The following LMCD1 variants were observed in gnomAD, a reference collection of about 807,000 sequenced individuals.
LMCD1 encodes LIM and cysteine-rich domains protein 1.
In LMCD1, 32 loss-of-function variants were observed where a neutral mutation model predicts 42.7. The observed-to-expected ratio is 0.75, with a 90% CI of 0.57 to 1.01. LMCD1 has a LOEUF of 1.01. Ranked by LOEUF, LMCD1 falls within the 50% of genes least tolerant of loss-of-function variation. The pLI is 0.00. For synonymous variants in LMCD1, 178 were observed against 184.9 expected (o/e 0.96, Z 0.30); for missense variants, 458 against 483.1 (o/e 0.95, Z 0.49).
At chr3:8,551,684 G>A (rs553212936) in intron 4 of LMCD1, among the ~76,000 whole-genome samples, 1 of 152,298 alleles carries the variant, frequency 6.6e-6, no homozygotes, top group South Asian at 2.1e-4. Flanking sequence ...TAGATAGGCT[G>A]ACAGGCCACA....
rs1559353102 is a variant in LMCD1, at chr3:8,543,420, TAGATAGATAGATAGATAGATAGAC to T, written c.388-5144_388-5121del. Among the ~76,000 whole-genome samples the T allele has an allele frequency of 2.8e-3, 385 of 139,006 alleles. 1 individual carries two copies. The highest frequency in any genetic ancestry group is 0.012 in the South Asian group (55 of 4,642). The allele number at this position is 139,006 out of a possible 152,430, so 91.2% of individuals were successfully genotyped here. ...GATGATAGATAGATAGATAGATAGA[TAGATAGATAGATAGATAGATAGAC>T]AGACAGACAGAGAGATAGACAGACA... On this transcript the variant is annotated intron_variant, in intron 3 of 5. Transcript: ENST00000157600.
rs190056506 is a variant in LMCD1 at position 8,533,590 on chromosome 3, G to A, written c.131+765G>A. ...CTTGAGCGCTCAGTGGGGGGACAAA[G>A]TTTGGAAGGTGTTTTCGCAGCAATA... On this transcript the variant is annotated intron_variant, in intron 2 of 5. Coordinates refer to ENST00000157600, the MANE Select transcript of LMCD1 (RefSeq NM_014583.4). Among the ~76,000 whole-genome samples, 104 of 152,348 alleles carry A rather than the reference G, an allele frequency of 6.8e-4. 1 individual carries two copies. The highest frequency in any genetic ancestry group is 2.4e-3 in the African/African-American group (99 of 41,578).
intron 1 of LMCD1, among the ~76,000 whole-genome samples, chr3:8,517,954 A>G (rs1399308969): frequency 1.3e-5 from 2 of 152,150 alleles, no homozygotes; most frequent in Non-Finnish European, 2.9e-5. Flanking sequence ...ATAATGCTTA[A>G]TTATTCTTGG....
chr3:8,519,631 GTA>G (rs2125015432), intron 1 of LMCD1, among the ~76,000 whole-genome samples: 1 of 151,628 alleles, frequency 6.6e-6, no homozygotes, highest in Non-Finnish European at 1.5e-5. Context: ...CAGAATCCAA[GTA>G]TATATAGTGT....
chr3:8,544,038 G>T lies in LMCD1; in HGVS notation c.388-4530G>T, dbSNP rs998737656. ...AGTTGTGTGATGCACAGGGGCTTCT[G>T]CTCGTCCACATGGTTGGTGGACTAT... On this transcript the variant is annotated intron_variant, in intron 3 of 5. Coordinates refer to ENST00000157600, the MANE Select transcript of LMCD1 (RefSeq NM_014583.4). Among the ~76,000 whole-genome samples, 4 of 152,270 alleles carry T rather than the reference G, an allele frequency of 2.6e-5. No homozygotes were observed. In the East Asian group the frequency reaches 7.7e-4, roughly 29 times the overall value.
At chr3:8,563,010 G>A (rs1334607666) in intron 4 of LMCD1, among the ~76,000 whole-genome samples, 4 of 152,240 alleles carry the variant, frequency 2.6e-5, no homozygotes, top group Non-Finnish European at 5.9e-5. Context: ...CTAAGGTGCA[G>A]ACAGATGCAT....
At chr3:8,554,578 G>A (rs536553242) in intron 4 of LMCD1, among the ~76,000 whole-genome samples, 9 of 152,166 alleles carry the variant, frequency 5.9e-5, no homozygotes, top group Non-Finnish European at 1.0e-4. Flanking sequence ...AGAGATCTCC[G>A]TGGCCAGGGA....
chr3:8,541,700 G>A (rs1183396729), intron 3 of LMCD1, among the ~76,000 whole-genome samples: 1 of 152,250 alleles, frequency 6.6e-6, no homozygotes, highest in African/African-American at 2.4e-5. Context: ...TAGATAACAT[G>A]ACGTAGTCGG....
intron 4 of LMCD1, among the ~76,000 whole-genome samples, chr3:8,556,687 C>T (rs1266695763): frequency 1.3e-5 from 2 of 152,200 alleles, no homozygotes; most frequent in Non-Finnish European, 2.9e-5. Flanking sequence ...TCCGTCCCTG[C>T]TCAGCTGTGG....
chr3:8,558,324 T>C (rs62242272), intron 4 of LMCD1, among the ~76,000 whole-genome samples: 22,454 of 152,286 alleles, frequency 0.15, 2,137 homozygotes, highest in East Asian at 0.41. Flanking sequence ...CTCAGCTTTC[T>C]TGAGGCAGGT....
At chr3:8,529,780 G>GA (rs1212111453) in intron 1 of LMCD1, among the ~76,000 whole-genome samples, 4 of 152,226 alleles carry the variant, frequency 2.6e-5, no homozygotes, top group South Asian at 4.2e-4. Flanking sequence ...TTTGAAGCTA[G>GA]AAAAAAATGT....
At chr3:8,545,983 C>T (rs973628903) in intron 3 of LMCD1, among the ~76,000 whole-genome samples, 3 of 152,052 alleles carry the variant, frequency 2.0e-5, no homozygotes, top group Admixed American at 6.5e-5. Flanking sequence ...AAAAATTAGC[C>T]GGGTGTAATG....
intron 4 of LMCD1, among the ~76,000 whole-genome samples, chr3:8,559,232 T>C (rs925918601): frequency 6.6e-6 from 1 of 152,212 alleles, no homozygotes; most frequent in African/African-American, 2.4e-5. Context: ...CTTGGTATCA[T>C]GGAAGGAAAT....
intron 4 of LMCD1, among the ~76,000 whole-genome samples, chr3:8,556,604 C>A (rs555478491): frequency 2.8e-4 from 43 of 152,282 alleles, no homozygotes; most frequent in African/African-American, 9.9e-4. Flanking sequence ...ACAGGTGTTC[C>A]CATCTCTGGA....
Position 8,502,362 on chromosome 3 carries a change from T to TTATATATAATATATATAATATATATTA in LMCD1, c.42+388_42+389insTAATATATATAATATATATTATATATA, listed in dbSNP as rs777242922. Among the ~76,000 whole-genome samples, 19 of 70,030 alleles carry TTATATATAATATATATAATATATATTA rather than the reference T, an allele frequency of 2.7e-4. 1 individual carries two copies. Among genetic ancestry groups the TTATATATAATATATATAATATATATTA allele is most frequent in the South Asian group, 1.2e-3 (3 of 2,574 alleles). 45.9% of individuals were successfully genotyped at this position (70,030 alleles called of 152,430 possible). ...TTATATATAAAATATATAATATATATTATATAAAATATATATAATATATAT... is the reference window on the plus strand; with the variant it reads ...TTATATATAAAATATATAATATATATTATATATAATATATATAATATATATTATATATAAAATATATATAATATATAT... On this transcript the variant is annotated intron_variant, in intron 1 of 5. Transcript: ENST00000157600.
intron 1 of LMCD1, among the ~76,000 whole-genome samples, chr3:8,529,796 G>A (rs1044882897): frequency 5.9e-5 from 9 of 152,158 alleles, no homozygotes; most frequent in East Asian, 1.9e-4. Context: ...AATGTGTTGA[G>A]AATATCTAAT....
intron 3 of LMCD1, among the ~76,000 whole-genome samples, chr3:8,538,733 TC>T (rs1448004829): frequency 1.3e-5 from 2 of 152,256 alleles, no homozygotes; most frequent in Non-Finnish European, 2.9e-5. Flanking sequence ...TCTTTTCGTT[TC>T]TTTAACAACT....
At chr3:8,502,333 TATATTATATATAAA>T (rs1693758153) in intron 1 of LMCD1, among the ~76,000 whole-genome samples, 1 of 70,410 alleles carries the variant, frequency 1.4e-5, no homozygotes, top group South Asian at 3.5e-4. Context: ...ATATATAATA[TATATTATATATAAA>T]ATATATAATA....
chr3:8,558,198 A>C (rs1230711193), intron 4 of LMCD1, among the ~76,000 whole-genome samples: 1 of 152,232 alleles, frequency 6.6e-6, no homozygotes, highest in Non-Finnish European at 1.5e-5. Flanking sequence ...ATTAAATTCT[A>C]TGTTGGTTGG....
Sources: allele counts gnomAD v4.1 joint callset (sites outside exome capture counted in the v4.1 genomes callset), GRCh38; gene constraint gnomAD v4.1.1; transcripts MANE v1.5; gene names NCBI Gene and HGNC (gene_info 2026-07-23, HGNC 2026-07-21).